Variants in SLC13A1 observed in about 807,000 individuals in gnomAD.
The protein encoded by SLC13A1 is Na(+)/sulfate cotransporter.
In SLC13A1, 65 loss-of-function variants were observed where a neutral mutation model predicts 70.0. The ratio of observed to expected loss-of-function variants is 0.93; its 90% CI spans 0.76 to 1.14. The LOEUF is 1.14. Among genes scored for constraint, SLC13A1 ranks in the 50% most tolerant of loss-of-function variants. The pLI, the probability that SLC13A1 is intolerant of heterozygous loss-of-function variation, is 0.00. For synonymous variants in SLC13A1, 275 were observed against 250.5 expected (o/e 1.10, Z -0.92); for missense variants, 726 against 717.8 (o/e 1.01, Z -0.13).
At chr7:123,187,463 A>G (rs1160816930) in intron 1 of SLC13A1, among the ~76,000 whole-genome samples, 3 of 152,196 alleles carry the variant, frequency 2.0e-5, no homozygotes. Flanking sequence ...ATTTGCTTAA[A>G]TTATTTTTAA....
At chr7:123,159,820 G>A (rs951792123) in intron 6 of SLC13A1, among the ~76,000 whole-genome samples, 3 of 151,920 alleles carry the variant, frequency 2.0e-5, no homozygotes, top group Non-Finnish European at 4.4e-5. Context: ...AAAACATGTC[G>A]GGTAGAGGTA....
intron 3 of SLC13A1, among the ~76,000 whole-genome samples, chr7:123,169,818 G>A (rs1795205555): frequency 6.6e-6 from 1 of 152,158 alleles, no homozygotes; most frequent in African/African-American, 2.4e-5. Flanking sequence ...GACAAAGAAA[G>A]ATTAATATTT....
intron 7 of SLC13A1, among the ~76,000 whole-genome samples, chr7:123,136,910 G>C (rs1315777610): frequency 6.6e-6 from 1 of 152,140 alleles, no homozygotes; most frequent in Non-Finnish European, 1.5e-5. Flanking sequence ...CAATTACAAA[G>C]TCCTTGAGTT....
intron 11 of SLC13A1, 65 bp from the exon 12 acceptor site, chr7:123,123,300 C>T (rs1429569673): frequency 2.0e-6 from 2 of 990,458 alleles, no homozygotes; most frequent in East Asian, 4.8e-5. Context: ...TTTGCTTCAG[C>T]ATCCTAAGTA....
At chr7:123,130,810 C>T (rs1343380070) in intron 8 of SLC13A1, among the ~76,000 whole-genome samples, 2 of 152,050 alleles carry the variant, frequency 1.3e-5, no homozygotes, top group Non-Finnish European at 2.9e-5. Context: ...ACATAATTTT[C>T]CTGTTTATTT....
intron 6 of SLC13A1, among the ~76,000 whole-genome samples, chr7:123,152,000 C>A (rs973315106): frequency 5.6e-5 from 8 of 142,812 alleles, no homozygotes; most frequent in African/African-American, 1.9e-4. Flanking sequence ...CTACAGACTG[C>A]AGCCTACAAA....
At chr7:123,170,572 G>T (rs1208163923) in intron 3 of SLC13A1, among the ~76,000 whole-genome samples, 1 of 152,156 alleles carries the variant, frequency 6.6e-6, no homozygotes, top group Non-Finnish European at 1.5e-5. Flanking sequence ...ACCCTAAAAG[G>T]CATGGAGCCC....
chr7:123,146,852 G>C (rs1290258715), intron 7 of SLC13A1, among the ~76,000 whole-genome samples: 3 of 134,892 alleles, frequency 2.2e-5, no homozygotes, highest in Non-Finnish European at 4.8e-5. Context: ...TTTCACTTTA[G>C]TTAACTACCA....
intron 7 of SLC13A1, among the ~76,000 whole-genome samples, chr7:123,137,399 C>T (rs1294353003): frequency 6.6e-6 from 1 of 152,172 alleles, no homozygotes; most frequent in Non-Finnish European, 1.5e-5. Context: ...GCAATTGAAA[C>T]TGAGTTAATC....
intron 10 of SLC13A1, among the ~76,000 whole-genome samples, chr7:123,127,144 A>C (rs1392739174): frequency 1.3e-5 from 2 of 152,098 alleles, no homozygotes; most frequent in Admixed American, 6.6e-5. Context: ...GAAACTATTA[A>C]GCTTATATAA....
intron 6 of SLC13A1, among the ~76,000 whole-genome samples, chr7:123,155,141 T>C (rs932387380): frequency 6.6e-6 from 1 of 152,048 alleles, no homozygotes; most frequent in Admixed American, 6.6e-5. Flanking sequence ...GCTTCATTCA[T>C]TTTGATGACA....
chr7:123,161,267 TAA>T (rs950881627), intron 6 of SLC13A1, among the ~76,000 whole-genome samples: 17 of 150,760 alleles, frequency 1.1e-4, no homozygotes, highest in African/African-American at 3.1e-4. Context: ...TTAAATGAAA[TAA>T]AGATTATTTA....
intron 7 of SLC13A1, among the ~76,000 whole-genome samples, chr7:123,146,469 C>T (rs191948663): frequency 2.0e-5 from 3 of 152,128 alleles, no homozygotes; most frequent in African/African-American, 7.2e-5. Context: ...GAGCTGAGAT[C>T]GCACCACTGT....
intron 1 of SLC13A1, among the ~76,000 whole-genome samples, chr7:123,198,570 C>T (rs1796257663): frequency 6.6e-6 from 1 of 151,952 alleles, no homozygotes; most frequent in African/African-American, 2.4e-5. Flanking sequence ...CCACAGATGC[C>T]ACAGCAGGGG....
chr7:123,128,880 G>GGGGTCT lies in SLC13A1; in HGVS notation c.1092_1097dup (p.Asp365_Pro366dup). 1 of 1,613,328 alleles carries GGGGTCT rather than the reference G, an allele frequency of 6.2e-7. No homozygotes were observed. The highest frequency in any genetic ancestry group is 8.5e-7 in the Non-Finnish European group (1 of 1,179,624). ...GTGCAGACCAACCAGGAACAAATCC[G>GGGGTCT]GGGTCTCGACTAAACCATAGCAGAG... is the stretch of plus-strand genomic sequence containing the variant. On this transcript the variant is annotated inframe_insertion, in exon 10 of 15. Coordinates refer to ENST00000194130, the MANE Select transcript of SLC13A1 (RefSeq NM_022444.4).
chr7:123,115,424 A>C lies in SLC13A1; in HGVS notation c.*94T>G, dbSNP rs1031951806. 1 of 1,289,708 alleles carries C rather than the reference A, an allele frequency of 7.8e-7. No individual in the cohort carries two copies. Among genetic ancestry groups the C allele is most frequent in the Non-Finnish European group, 1.1e-6 (1 of 914,270 alleles). The allele number at this position is 1,289,708 out of a possible 1,614,324, so 79.9% of individuals were successfully genotyped here. A position where few individuals can be genotyped will look rare whatever the true frequency, so the allele number is the denominator to read the frequency against. ...CAGCAGCTACACCATAACTGATTTA[A>C]ATGTGTGTCATTAGTTATTTAGAGC... On this transcript the variant is annotated 3_prime_UTR_variant, in exon 15 of 15. Transcript: ENST00000194130.
In SLC13A1 at chr7:123,168,379, C is replaced by G. The variant is rs757152145; in HGVS notation, c.655G>C (p.Glu219Gln). ...AAAGAATCAAATTTATGTACCTTTT[C>G]CAACTCCACCTTGCTTGAAATTTTC... Reference protein sequence around the residue: ...TGKISSKVELEKNSGMRTKYR... With the variant: ...TGKISSKVELQKNSGMRTKYR... Residue 219 changes from glutamate (E) to glutamine (Q), a missense_variant, in exon 6 of 15, where the codon GAA (glutamate) becomes CAA (glutamine). Physicochemically the swap from Glu to Gln is conservative, Grantham distance 29. Coordinates refer to ENST00000194130, the MANE Select transcript of SLC13A1 (RefSeq NM_022444.4). 1 of 1,573,618 alleles carries G rather than the reference C, an allele frequency of 6.4e-7. No homozygotes were observed. Among genetic ancestry groups the G allele is most frequent in the Non-Finnish European group, 8.7e-7 (1 of 1,149,062 alleles).
intron 1 of SLC13A1, among the ~76,000 whole-genome samples, chr7:123,183,415 ATTTTT>A (rs565856708): frequency 1.3e-5 from 2 of 152,162 alleles, no homozygotes; most frequent in South Asian, 4.1e-4. Context: ...ATTGACTTGT[ATTTTT>A]TCAGTTCTAT....
chr7:123,175,450 C>G (rs1249008545), intron 2 of SLC13A1, among the ~76,000 whole-genome samples: 3 of 152,018 alleles, frequency 2.0e-5, no homozygotes, highest in Non-Finnish European at 4.4e-5. Context: ...ACGTTGGTGT[C>G]CCCCACCCAA....
Sources: allele counts gnomAD v4.1 joint callset (sites outside exome capture counted in the v4.1 genomes callset), GRCh38; gene constraint gnomAD v4.1.1; transcripts MANE v1.5; gene names NCBI Gene and HGNC (gene_info 2026-07-23, HGNC 2026-07-21).